The following USO1 variants were observed in gnomAD, a reference collection of about 807,000 sequenced individuals.
USO1 encodes general vesicular transport factor p115.
A neutral mutation model predicts 124.5 loss-of-function variants in USO1; 57 were observed. That is an observed-to-expected ratio of 0.46 (90% confidence interval 0.37 to 0.57). The LOEUF is 0.57. Ranked by LOEUF, USO1 falls within the 20% of genes least tolerant of loss-of-function variation. The pLI is 0.00. For missense variants in USO1, 900 were observed against 1,040.6 expected, an observed-to-expected ratio of 0.86 and a Z score of 1.86; for synonymous variants, 369 against 362.8, an observed-to-expected ratio of 1.02 and a Z score of -0.19.
chr4:75,756,891 T>A (rs761232381), intron 3 of USO1, among the ~76,000 whole-genome samples: 10 of 151,842 alleles, frequency 6.6e-5, no homozygotes, highest in Non-Finnish European at 1.5e-4. Context: ...AACAGTTACT[T>A]TTCTTTATAT....
chr4:75,804,657 A>G (rs1215307544), intron 18 of USO1, among the ~76,000 whole-genome samples: 1 of 152,250 alleles, frequency 6.6e-6, no homozygotes, highest in Non-Finnish European at 1.5e-5. Context: ...ATTCTAATGT[A>G]TAGCTGATTA....
At chr4:75,759,593 CAA>C (rs1171035509) in intron 4 of USO1, among the ~76,000 whole-genome samples, 2 of 133,692 alleles carry the variant, frequency 1.5e-5, no homozygotes, top group Admixed American at 7.6e-5. Flanking sequence ...GACTCTGTCT[CAA>C]AAAAAAAAAG....
In USO1 at chr4:75,801,992, T is replaced by C. The variant is rs1463102562; in HGVS notation, c.1986+792T>C. On this transcript the variant is annotated intron_variant, in intron 17 of 23. Transcript: ENST00000514213. ...GTGCCACCACGCTGCCTAATTTTTA[T>C]ATTTTTAGTAGAGATGAGGTTTCAC... 3.9e-5 allele frequency among the ~76,000 whole-genome samples: 6 copies of C among 152,186 alleles called. No homozygotes were observed. In the East Asian group the frequency reaches 1.2e-3, roughly 29 times the overall value.
At chr4:75,732,807 A>C (rs2149137865) in intron 1 of USO1, among the ~76,000 whole-genome samples, 1 of 126,714 alleles carries the variant, frequency 7.9e-6, no homozygotes, top group East Asian at 2.8e-4. Context: ...TGAACCAGGG[A>C]GTTGGAGGTT....
At chr4:75,757,265 T>C (rs1721474595) in intron 3 of USO1, among the ~76,000 whole-genome samples, 1 of 152,116 alleles carries the variant, frequency 6.6e-6, no homozygotes, top group Non-Finnish European at 1.5e-5. Flanking sequence ...ATTGCCGCCT[T>C]ATATGTATGA....
At chr4:75,785,050 A>G (rs1577960198) in intron 9 of USO1, among the ~76,000 whole-genome samples, 1 of 152,182 alleles carries the variant, frequency 6.6e-6, no homozygotes, top group Non-Finnish European at 1.5e-5. Flanking sequence ...TTCACTCATG[A>G]CTTTACAGGC....
At chr4:75,783,450 T>C (rs1437894839) in intron 9 of USO1, among the ~76,000 whole-genome samples, 1 of 152,222 alleles carries the variant, frequency 6.6e-6, no homozygotes, top group Non-Finnish European at 1.5e-5. Context: ...GGATCCCAAA[T>C]TATTTCCTCA....
At chr4:75,744,840 TC>T in intron 1 of USO1, 1 of 441,402 alleles carries the variant, frequency 2.3e-6, no homozygotes, top group Non-Finnish European at 4.5e-6. Flanking sequence ...TTAAGATACT[TC>T]CGATGTGTTT....
At chr4:75,759,488 G>A (rs928247042) in intron 4 of USO1, among the ~76,000 whole-genome samples, 3 of 151,488 alleles carry the variant, frequency 2.0e-5, no homozygotes, top group Admixed American at 6.6e-5. Context: ...CAACTACTCA[G>A]GAAGCTGAGG....
intron 22 of USO1, among the ~76,000 whole-genome samples, chr4:75,811,694 C>G (rs764789452): frequency 1.9e-4 from 29 of 152,048 alleles, no homozygotes; most frequent in Non-Finnish European, 3.8e-4. Context: ...TGGATTGTGG[C>G]CAAATTATTT....
intron 3 of USO1, chr4:75,755,433 G>A (rs1721412795): frequency 1.9e-6 from 1 of 519,072 alleles, no homozygotes; most frequent in Non-Finnish European, 3.9e-6. Context: ...CTCATTTAAT[G>A]CATTTCACCA....
intron 16 of USO1, 104 bp downstream of exon 16, chr4:75,800,903 T>G (rs1255629511): frequency 2.7e-6 from 4 of 1,463,640 alleles, no homozygotes; most frequent in Admixed American, 5.2e-5. Context: ...TCTAAAGGTA[T>G]ATTTTCTTCC....
intron 1 of USO1, among the ~76,000 whole-genome samples, chr4:75,733,429 A>G (rs1295846100): frequency 6.6e-6 from 1 of 152,228 alleles, no homozygotes; most frequent in Non-Finnish European, 1.5e-5. Context: ...CATTCCCACC[A>G]ACAGTATATA....
At chr4:75,813,179 A>AAT in intron 23 of USO1, 27 bp from the exon 24 acceptor site, 1 of 1,585,234 alleles carries the variant, frequency 6.3e-7, no homozygotes, top group Non-Finnish European at 8.5e-7. Flanking sequence ...AGATTTTCAC[A>AAT]ATATTAAATA....
chr4:75,769,983 G>A (rs1164585662), intron 4 of USO1: 1 of 152,044 alleles, frequency 6.6e-6, no homozygotes, highest in Non-Finnish European at 1.5e-5. Context: ...CAGTCAGCAA[G>A]GACTATATGT....
At chr4:75,743,441 C>T (rs1447324201) in intron 1 of USO1, among the ~76,000 whole-genome samples, 1 of 152,178 alleles carries the variant, frequency 6.6e-6, no homozygotes, top group Non-Finnish European at 1.5e-5. Flanking sequence ...TCTAAGGCCC[C>T]TCTGCCTGGC....
intron 17 of USO1, among the ~76,000 whole-genome samples, chr4:75,801,761 C>T (rs757597088): frequency 1.3e-5 from 2 of 152,114 alleles, no homozygotes; most frequent in Non-Finnish European, 1.5e-5. Context: ...TAGATAGAAC[C>T]CTTTAAATTG....
At chr4:75,798,297 G>A (rs73825555) in intron 13 of USO1, among the ~76,000 whole-genome samples, 4,450 of 152,068 alleles carry the variant, frequency 0.029, 209 homozygotes, top group African/African-American at 0.1. Context: ...TACATTGTGG[G>A]TATATTTGGT....
At chr4:75,762,926 TCAAAA>T (rs1206327556) in intron 4 of USO1, among the ~76,000 whole-genome samples, 1 of 152,202 alleles carries the variant, frequency 6.6e-6, no homozygotes, top group Non-Finnish European at 1.5e-5. Flanking sequence ...AGACTCCGTC[TCAAAA>T]CAAAAACAAC....
Sources: gnomAD v4.1 joint callset for allele counts (sites outside exome capture counted in the v4.1 genomes callset) on GRCh38, gnomAD v4.1.1 for gene constraint, MANE v1.5 for transcripts, NCBI Gene and HGNC (gene_info 2026-07-23, HGNC 2026-07-21) for gene names.